POLR1B: variants seen among roughly 807,000 people sequenced by gnomAD.
POLR1B encodes the protein DNA-directed RNA polymerase I subunit RPA2.
In POLR1B, 30 loss-of-function variants were observed where a neutral mutation model predicts 105.8. That is an observed-to-expected ratio of 0.28 (90% CI 0.21 to 0.38). The LOEUF is 0.38. POLR1B is among the 10% of genes least tolerant of loss of function. The pLI is 1.00. For missense variants in POLR1B, 976 were observed against 1,435.8 expected (o/e 0.68, Z 5.17); for synonymous variants, 485 against 505.1 (o/e 0.96, Z 0.53).
At position 112,574,837 on chromosome 2, in the gene POLR1B, T is replaced by C; in HGVS notation, c.2526-10T>C. ...AATAGGTTGACCTTATATGGTTTACTTTTTCCTAGGAGTAAAGAAAATTGT... is the reference window on the plus strand; with the variant it reads ...AATAGGTTGACCTTATATGGTTTACCTTTTCCTAGGAGTAAAGAAAATTGT... On this transcript the variant is annotated splice_polypyrimidine_tract_variant and intron_variant, in intron 14 of 14. Coordinates refer to ENST00000263331, the MANE Select transcript of POLR1B (RefSeq NM_019014.6). The C allele has an allele frequency of 6.3e-7, 1 of 1,597,554 alleles. No homozygotes were observed.
chr2:112,546,544 C>CTTTTTTTTTTTTTTTT (rs869087985), intron 1 of POLR1B, among the ~76,000 whole-genome samples: 1 of 53,188 alleles, frequency 1.9e-5, no homozygotes, highest in Non-Finnish European at 3.1e-5. Flanking sequence ...CTGGAGGTAG[C>CTTTTTTTTTTTTTTTT]TTTTTTTTTT....
rs757167769 is a variant in POLR1B, at chr2:112,568,817, A to C, written c.1989A>C (p.Pro663=). 1.9e-6 allele frequency: 3 copies of C among 1,614,182 alleles called. No homozygotes were observed. The East Asian group carries it at 6.7e-5, about 36-fold the overall frequency. The part of the protein sequence containing the change: ...AGVTTHQELF[P]HSLLSVIANF... The stretch of plus-strand genomic sequence containing the variant: ...TTACCACACACCAGGAACTCTTTCC[A>C]CACAGCCTGCTGAGTGTGATTGCCA... Residue 663 remains proline, a synonymous_variant, in exon 12 of 15, where the codon CCA becomes CCC. Transcript: ENST00000263331.
At position 112,575,819 on chromosome 2, in the gene POLR1B, T is replaced by C. The variant is rs1355378258; in HGVS notation, c.*90T>C. ...TGAAGATATCATTACCAGGTTACTC[T>C]TGAGATTTTTCAACGGTGTTAGAAC... On this transcript the variant is annotated 3_prime_UTR_variant, in exon 15 of 15. Coordinates refer to ENST00000263331, the MANE Select transcript of POLR1B (RefSeq NM_019014.6). This position sits in a 1 kb window ranked among gnomAD's most constrained non-coding sequence, Gnocchi z 5.3. 2.1e-6 allele frequency: 3 copies of C among 1,412,588 alleles called. No homozygotes were observed. In the East Asian group the frequency reaches 6.9e-5, roughly 32 times the overall value. The allele number at this position is 1,412,588 out of a possible 1,614,324, so 87.5% of individuals were successfully genotyped here.
chr2:112,564,159 G>A (rs1259938765), intron 9 of POLR1B, among the ~76,000 whole-genome samples: 1 of 152,160 alleles, frequency 6.6e-6, no homozygotes, highest in Admixed American at 6.5e-5. Flanking sequence ...GACACAAAGG[G>A]AACACTTGTC....
intron 1 of POLR1B, among the ~76,000 whole-genome samples, chr2:112,546,336 A>G (rs1683039015): frequency 6.6e-6 from 1 of 152,194 alleles, no homozygotes; most frequent in Non-Finnish European, 1.5e-5. Context: ...CTCTATTAGC[A>G]GTAGTCCCAT....
At chr2:112,542,740 C>T in intron 1 of POLR1B, 69 bp downstream of exon 1, 1 of 1,565,108 alleles carries the variant, frequency 6.4e-7, no homozygotes, top group Non-Finnish European at 8.7e-7. Flanking sequence ...TGGGAGGTCA[C>T]AGTATGACCC....
rs1683444860 is a variant in POLR1B at position 112,552,818 on chromosome 2, TAAATGCATGCTATGTCC to T, written c.1158+4_1158+20del. On this transcript the variant is annotated splice_donor_5th_base_variant and intron_variant, in intron 7 of 14. Coordinates refer to ENST00000263331, the MANE Select transcript of POLR1B (RefSeq NM_019014.6). Reference sequence around the variant, plus strand: ...CAGCTCTTCCTTATGTTCCTGAAGGTAAATGCATGCTATGTCCACCCTTGGCCAGTGGTACCACTTGT... The same window carrying T: ...CAGCTCTTCCTTATGTTCCTGAAGGTACCCTTGGCCAGTGGTACCACTTGT... 1.3e-6 allele frequency: 2 copies of T among 1,578,320 alleles called. No individual in the cohort carries two copies. The highest frequency in any genetic ancestry group is 1.7e-6 in the Non-Finnish European group (2 of 1,163,238).
Position 112,567,983 on chromosome 2 carries a change from G to T in POLR1B, c.1763G>T (p.Arg588Ile). 6.2e-7 allele frequency: 1 copy of T among 1,613,776 alleles called. No homozygotes were observed. Among genetic ancestry groups the T allele is most frequent in the South Asian group, 1.1e-5 (1 of 91,036 alleles). Residue 588 changes from arginine (R) to isoleucine (I), a missense_variant, in exon 11 of 15, where the codon AGA becomes ATA. Arg to Ile is a moderately conservative substitution (Grantham distance 97). Transcript: ENST00000263331. ...TAAAAACAGGTGTTGAGAGAGAAAA[G>T]AATTCCTCCCTGGATGGAAGTGGTC... ...LRHFKVLREK[R>I]IPPWMEVVLI...
At chr2:112,542,264 C>T, upstream of POLR1B, 1 of 1,533,886 alleles carries the variant, frequency 6.5e-7, no homozygotes, top group Non-Finnish European at 8.7e-7. Context: ...AGGGAGGGCC[C>T]GCCACGCTCT....
Position 112,572,608 on chromosome 2 carries a change from G to A in POLR1B, c.2121G>A (p.Ser707=), listed in dbSNP as rs376407464. The A allele has an allele frequency of 3.8e-5, 61 of 1,609,204 alleles. No homozygotes were observed. Among genetic ancestry groups the A allele is most frequent in the African/African-American group, 2.5e-4 (19 of 74,750 alleles). ...GFPLLTYQDR[S]DNKLYRLQTP... ...CACTTCTCACTTATCAAGACCGATC[G>A]GATAACAAACTGTATCGTCTTCAGA... Residue 707 remains serine (S), a synonymous_variant, in exon 13 of 15, where the codon TCG becomes TCA. Transcript: ENST00000263331.
intron 1 of POLR1B, chr2:112,545,957 T>TA (rs1683022057): frequency 6.4e-6 from 1 of 155,184 alleles, no homozygotes; most frequent in African/African-American, 2.4e-5. Flanking sequence ...TATTTTTAAA[T>TA]AAAATATGAA....
At chr2:112,573,937 C>A (rs573199483) in intron 14 of POLR1B, 122 bp downstream of exon 14, 3 of 1,212,998 alleles carry the variant, frequency 2.5e-6, no homozygotes, top group African/African-American at 3.0e-5. Flanking sequence ...ACCACCACCT[C>A]CCGGGCTCAA....
chr2:112,571,135 C>G (rs561289398), intron 12 of POLR1B, among the ~76,000 whole-genome samples: 5 of 152,150 alleles, frequency 3.3e-5, no homozygotes, highest in Non-Finnish European at 7.4e-5. Flanking sequence ...TATCTTCATT[C>G]ATTGTGGGCA....
At chr2:112,563,301 C>T (rs938002907) in intron 9 of POLR1B, among the ~76,000 whole-genome samples, 8 of 150,466 alleles carry the variant, frequency 5.3e-5, no homozygotes, top group Admixed American at 6.6e-5. Flanking sequence ...GTGATCTGCC[C>T]GCCTCTGCCT....
intron 4 of POLR1B, 190 bp from the exon 5 acceptor site, chr2:112,550,676 A>C (rs955524604): frequency 2.0e-5 from 12 of 600,150 alleles, no homozygotes; most frequent in Non-Finnish European, 3.2e-5. Flanking sequence ...AGTGTTTCTC[A>C]ATCTGGGTAG....
rs993577274 is a variant in POLR1B at position 112,573,759 on chromosome 2, T to C, written c.2469T>C (p.Asp823=). 14 of 1,614,050 alleles carry C rather than the reference T, an allele frequency of 8.7e-6. No homozygotes were observed. The highest frequency in any genetic ancestry group is 5.5e-5 in the South Asian group (5 of 91,084). Residue 823 remains aspartate, a synonymous_variant, in exon 14 of 15, where the codon GAT becomes GAC. Transcript: ENST00000263331. ...PFIGAKLQYG[D]PYYSYLNLNT... is the part of the protein sequence containing the mutation. ...TAGGAGCAAAACTGCAGTACGGAGA[T>C]CCGTATTACAGCTACCTCAACCTCA... is the stretch of plus-strand genomic sequence containing the variant.
intron 9 of POLR1B, among the ~76,000 whole-genome samples, chr2:112,560,050 G>T (rs569628006): frequency 1.3e-5 from 2 of 152,106 alleles, no homozygotes; most frequent in South Asian, 4.2e-4. Context: ...TGGCTCCTCT[G>T]TAGAAGGCCG....
At position 112,547,411 on chromosome 2, in the gene POLR1B, T is replaced by G. The variant is rs1574091267; in HGVS notation, c.346-10T>G. 1 of 1,607,812 alleles carries G rather than the reference T, an allele frequency of 6.2e-7. No homozygotes were observed. Among genetic ancestry groups the G allele is most frequent in the East Asian group, 2.2e-5 (1 of 44,846 alleles). ...TCTGTTAAGTAACTTTTTCTCTTGT[T>G]TTCATTTAGGCTGATATCAACTGGG... On this transcript the variant is annotated splice_polypyrimidine_tract_variant and intron_variant, in intron 2 of 14. Transcript: ENST00000263331.
intron 1 of POLR1B, among the ~76,000 whole-genome samples, chr2:112,546,544 CTTTTTTTTTTTTTTTTT>C (rs869087985): frequency 2.8e-4 from 15 of 53,158 alleles, no homozygotes; most frequent in African/African-American, 1.0e-3. Context: ...CTGGAGGTAG[CTTTTTTTTTTTTTTTTT>C]TTTTTTTTTT....
Sources: allele counts gnomAD v4.1 joint callset (sites outside exome capture counted in the v4.1 genomes callset), GRCh38; gene constraint gnomAD v4.1.1; non-coding constraint Gnocchi (gnomAD v3.1); transcripts MANE v1.5; gene names NCBI Gene and HGNC (gene_info 2026-07-23, HGNC 2026-07-21).